Variants in SLIT3 observed in about 807,000 individuals in gnomAD.
SLIT3 encodes slit guidance ligand 3, also known as slit homolog 3 protein.
SLIT3 carries 68 observed loss-of-function variants against 184.0 expected under a neutral mutation model. The ratio of observed to expected loss-of-function variants is 0.37; its 90% CI spans 0.30 to 0.45. The LOEUF (loss-of-function observed/expected upper bound fraction) is 0.45, where lower values mean the gene tolerates loss of function less well. Ranked by LOEUF, SLIT3 falls within the 20% of genes least tolerant of loss-of-function variation. SLIT3 has a pLI of 1.00. For synonymous variants in SLIT3, 831 were observed against 828.6 expected (o/e 1.00, Z -0.05); for missense variants, 1,707 against 2,026.0 (o/e 0.84, Z 3.02).
intron 3 of SLIT3, among the ~76,000 whole-genome samples, chr5:169,232,429 T>C (rs1186303535): frequency 6.6e-6 from 1 of 152,198 alleles, no homozygotes; most frequent in Non-Finnish European, 1.5e-5. Flanking sequence ...TTCGCCATGT[T>C]GGTCAGGCTG....
At chr5:169,182,105 C>A (rs1424226999) in intron 4 of SLIT3, among the ~76,000 whole-genome samples, 2 of 152,112 alleles carry the variant, frequency 1.3e-5, no homozygotes, top group Non-Finnish European at 2.9e-5. Flanking sequence ...ACGCAACAGG[C>A]AGTGCTAATC....
At chr5:168,669,761 C>T (rs1761177000) in intron 35 of SLIT3, 22 bp downstream of exon 35, 2 of 1,607,292 alleles carry the variant, frequency 1.2e-6, no homozygotes, top group Non-Finnish European at 8.5e-7. Context: ...CTTCCTCCCT[C>T]CCACAGGCAC....
chr5:168,830,686 T>G (rs1757853660), intron 6 of SLIT3, among the ~76,000 whole-genome samples: 1 of 152,248 alleles, frequency 6.6e-6, no homozygotes, highest in Non-Finnish European at 1.5e-5. Flanking sequence ...GAGATATTAT[T>G]ACTTCCACTT....
At chr5:168,696,542 G>C in intron 27 of SLIT3, 111 bp from the exon 28 acceptor site, 1 of 1,300,022 alleles carries the variant, frequency 7.7e-7, no homozygotes, top group Non-Finnish European at 1.1e-6. Flanking sequence ...TTTTCCTCCA[G>C]ATGGAGGTCT....
intron 4 of SLIT3, among the ~76,000 whole-genome samples, chr5:169,171,620 C>G (rs1408625759): frequency 6.6e-6 from 1 of 152,234 alleles, no homozygotes; most frequent in Non-Finnish European, 1.5e-5. Context: ...GATTAGACCT[C>G]AGTCCTGAGA....
intron 29 of SLIT3, among the ~76,000 whole-genome samples, chr5:168,690,963 A>G (rs537185843): frequency 3.9e-4 from 59 of 152,154 alleles, no homozygotes; most frequent in African/African-American, 1.3e-3. Context: ...CTCTCAACCC[A>G]TCCAAATTCC....
intron 8 of SLIT3, among the ~76,000 whole-genome samples, chr5:168,816,636 T>G (rs1006483724): frequency 3.9e-5 from 6 of 152,208 alleles, no homozygotes; most frequent in African/African-American, 1.4e-4. Context: ...TCTGTTACAT[T>G]TCGATTACCC....
At chr5:169,062,717 G>A (rs978392593) in intron 4 of SLIT3, among the ~76,000 whole-genome samples, 2 of 152,202 alleles carry the variant, frequency 1.3e-5, no homozygotes, top group Admixed American at 6.5e-5. Context: ...AATTCCATAA[G>A]AGCACAGATT....
At chr5:168,785,492 A>AG (rs1215706924) in intron 12 of SLIT3, among the ~76,000 whole-genome samples, 1 of 152,192 alleles carries the variant, frequency 6.6e-6, no homozygotes, top group South Asian at 2.1e-4. Context: ...CCCCTCTTCA[A>AG]GGTCACATGT....
At chr5:169,195,550 G>A (rs752875739) in intron 3 of SLIT3, among the ~76,000 whole-genome samples, 3 of 152,136 alleles carry the variant, frequency 2.0e-5, no homozygotes, top group African/African-American at 4.8e-5. Context: ...TGTTTGAGAC[G>A]GAGTCTCGCT....
chr5:168,922,254 G>A (rs555896953), intron 4 of SLIT3, among the ~76,000 whole-genome samples: 20 of 152,022 alleles, frequency 1.3e-4, no homozygotes, highest in East Asian at 5.8e-4. Context: ...TCAGGAGATC[G>A]AGACCATCCT....
intron 32 of SLIT3, among the ~76,000 whole-genome samples, chr5:168,674,129 G>A (rs1169241348): frequency 1.3e-5 from 2 of 152,104 alleles, no homozygotes; most frequent in African/African-American, 4.8e-5. Context: ...GTCACCTCAG[G>A]TACCACCAGT....
chr5:169,244,378 C>A (rs960551781), intron 3 of SLIT3, among the ~76,000 whole-genome samples: 1 of 152,192 alleles, frequency 6.6e-6, no homozygotes, highest in Non-Finnish European at 1.5e-5. Flanking sequence ...CTGCAGACTT[C>A]CCTCCTCCGT....
At chr5:168,938,086 G>A (rs188646003) in intron 4 of SLIT3, among the ~76,000 whole-genome samples, 2 of 152,110 alleles carry the variant, frequency 1.3e-5, no homozygotes, top group Admixed American at 6.5e-5. Flanking sequence ...TTGTTCTAAC[G>A]TACCAATATA....
At chr5:169,174,912 T>G (rs1762928013) in intron 4 of SLIT3, among the ~76,000 whole-genome samples, 1 of 151,844 alleles carries the variant, frequency 6.6e-6, no homozygotes, top group South Asian at 2.1e-4. Context: ...TGCAACTCCC[T>G]TTGACATGCA....
intron 4 of SLIT3, among the ~76,000 whole-genome samples, chr5:168,988,523 A>G (rs1186414233): frequency 6.6e-6 from 1 of 152,114 alleles, no homozygotes; most frequent in African/African-American, 2.4e-5. Context: ...TTGGAGCTGC[A>G]GGGTATAGAA....
At chr5:169,125,768 C>T (rs1761055984) in intron 4 of SLIT3, among the ~76,000 whole-genome samples, 1 of 152,192 alleles carries the variant, frequency 6.6e-6, no homozygotes, top group African/African-American at 2.4e-5. Flanking sequence ...TGTGCCTGGG[C>T]ATTATCTAAT....
intron 4 of SLIT3, among the ~76,000 whole-genome samples, chr5:168,889,470 A>G (rs1323932896): frequency 6.6e-6 from 1 of 152,206 alleles, no homozygotes; most frequent in Non-Finnish European, 1.5e-5. Flanking sequence ...ATTATTTCCC[A>G]CTGCTCCAGT....
intron 4 of SLIT3, among the ~76,000 whole-genome samples, chr5:168,910,605 G>C (rs995719246): frequency 6.6e-6 from 1 of 152,088 alleles, no homozygotes; most frequent in Admixed American, 6.5e-5. Context: ...AATTAGCCGC[G>C]TGTGGTGGCA....
Sources: allele counts gnomAD v4.1 joint callset (sites outside exome capture counted in the v4.1 genomes callset), GRCh38; gene constraint gnomAD v4.1.1; transcripts MANE v1.5; gene names NCBI Gene and HGNC (gene_info 2026-07-23, HGNC 2026-07-21).